INTS9: variants seen among roughly 807,000 people sequenced by gnomAD.
INTS9 encodes protein related to CPSF subunits of 74 kDa.
In INTS9, 55 loss-of-function variants were observed where a neutral mutation model predicts 79.7. The observed-to-expected ratio is 0.69, with a 90% CI of 0.56 to 0.86. INTS9 has a LOEUF of 0.86. Ranked by LOEUF, INTS9 falls within the 40% of genes least tolerant of loss-of-function variation. The probability of loss-of-function intolerance (pLI) is 0.00; values close to 1 mark genes in which losing one functional copy is unlikely to be tolerated. For synonymous variants in INTS9, 319 were observed against 325.2 expected, an observed-to-expected ratio of 0.98 and a Z score of 0.20; for missense variants, 721 against 831.5, an observed-to-expected ratio of 0.87 and a Z score of 1.64.
Position 28,771,169 on chromosome 8 carries a change from A to AAAAG in INTS9, c.1564-93_1564-90dup, listed in dbSNP as rs1289142362. 3.1e-6 allele frequency: 3 copies of AAAAG among 979,322 alleles called. No individual in the cohort carries two copies. In the African/African-American group the frequency reaches 4.8e-5, roughly 16 times the overall value. 60.7% of individuals were successfully genotyped at this position (979,322 alleles called of 1,614,324 possible). A position where few individuals can be genotyped will look rare whatever the true frequency, so the allele number is the denominator to read the frequency against. Reference sequence around the variant, plus strand: ...TCTGTATTTACATCACTGCAGTCTAAAAAGATGAAATAACTTTAAAGGTAA... The same window carrying AAAAG: ...TCTGTATTTACATCACTGCAGTCTAAAAAGAAAGATGAAATAACTTTAAAGGTAA... On this transcript the variant is annotated intron_variant, in intron 14 of 16. Transcript: ENST00000521022.
rs561420411 is a variant in INTS9 at position 28,828,276 on chromosome 8, C to A, written c.488+7016G>T. On this transcript the variant is annotated intron_variant, in intron 6 of 16. Transcript: ENST00000521022. ...GTCCACTTAGCTACCTTGCTTTCGT[C>A]AGAAAGGCAGTGTCTGAAAGTAAAT... 2.6e-5 allele frequency among the ~76,000 whole-genome samples: 4 copies of A among 152,196 alleles called. No individual in the cohort carries two copies. In the East Asian group the frequency reaches 7.7e-4, roughly 29 times the overall value.
chr8:28,776,712 T>G (rs1024373636), intron 13 of INTS9, among the ~76,000 whole-genome samples: 1 of 152,084 alleles, frequency 6.6e-6, no homozygotes, highest in Non-Finnish European at 1.5e-5. Flanking sequence ...CCTTTGCTCC[T>G]CCTCTTGACC....
At chr8:28,799,407 G>A (rs1804402075) in intron 8 of INTS9, 1 of 152,248 alleles carries the variant, frequency 6.6e-6, no homozygotes, top group Admixed American at 6.5e-5. Context: ...CAAACAAACA[G>A]AGGCAGTGCT....
At chr8:28,806,134 G>C (rs1446078175) in intron 8 of INTS9, among the ~76,000 whole-genome samples, 1 of 152,222 alleles carries the variant, frequency 6.6e-6, no homozygotes, top group Admixed American at 6.5e-5. Flanking sequence ...GGAGGCTGAG[G>C]TGGGAGGACT....
intron 7 of INTS9, among the ~76,000 whole-genome samples, chr8:28,813,070 T>C (rs1805244891): frequency 6.6e-6 from 1 of 152,216 alleles, no homozygotes; most frequent in Non-Finnish European, 1.5e-5. Flanking sequence ...GCTTTCCTTT[T>C]TCATTTTCAG....
chr8:28,768,571 C>T (rs1330839100), intron 16 of INTS9, among the ~76,000 whole-genome samples: 2 of 152,212 alleles, frequency 1.3e-5, no homozygotes, highest in Non-Finnish European at 2.9e-5. Context: ...TCTTTGAGGG[C>T]ACGTCCAAGC....
chr8:28,795,572 G>A (rs1426660681), intron 9 of INTS9, among the ~76,000 whole-genome samples: 2 of 150,228 alleles, frequency 1.3e-5, no homozygotes, highest in Non-Finnish European at 3.0e-5. Context: ...CCTGGGAGGC[G>A]GAGGTTGCAG....
intron 1 of INTS9, among the ~76,000 whole-genome samples, chr8:28,870,189 G>C (rs2131334144): frequency 6.6e-6 from 1 of 152,016 alleles, no homozygotes; most frequent in South Asian, 2.1e-4. Flanking sequence ...ATGTATAAAA[G>C]ACTGTAAGCA....
chr8:28,885,147 T>C lies in INTS9; in HGVS notation c.9+4727A>G, dbSNP rs562587804. ...CCAGGAGAAATGGCAAGTTAAAAGT[T>C]TGAGCCAGTAGAAATGAAACAGCAT... On this transcript the variant is annotated intron_variant, in intron 1 of 16. Transcript: ENST00000521022. Among the ~76,000 whole-genome samples, 5 of 152,344 alleles carry C rather than the reference T, an allele frequency of 3.3e-5. No homozygotes were observed. In the East Asian group the frequency reaches 5.8e-4, roughly 18 times the overall value.
intron 10 of INTS9, among the ~76,000 whole-genome samples, chr8:28,791,274 A>G (rs1022767446): frequency 6.6e-6 from 1 of 152,136 alleles, no homozygotes; most frequent in Non-Finnish European, 1.5e-5. Flanking sequence ...AATCATGTTC[A>G]TTTCCTGCTT....
chr8:28,889,444 G>C (rs990282299), intron 1 of INTS9, among the ~76,000 whole-genome samples: 7 of 152,216 alleles, frequency 4.6e-5, no homozygotes, highest in African/African-American at 1.7e-4. Flanking sequence ...CGTTCTGCTG[G>C]ATGTTTTTTA....
intron 1 of INTS9, among the ~76,000 whole-genome samples, chr8:28,882,711 G>C (rs1051509041): frequency 6.6e-6 from 1 of 152,000 alleles, no homozygotes; most frequent in East Asian, 1.9e-4. Flanking sequence ...GCCAAAAAAG[G>C]TGTTAGTTTT....
chr8:28,840,847 C>T (rs756623327), intron 4 of INTS9, among the ~76,000 whole-genome samples: 12 of 149,216 alleles, frequency 8.0e-5, no homozygotes, highest in Non-Finnish European at 1.8e-4. Context: ...TGCTAAATGA[C>T]GAGTTAATGG....
At position 28,828,491 on chromosome 8, in the gene INTS9, A is replaced by G. The variant is rs1406655156; in HGVS notation, c.488+6801T>C. Among the ~76,000 whole-genome samples, 7 of 152,190 alleles carry G rather than the reference A, an allele frequency of 4.6e-5. 1 individual carries two copies. The highest frequency in any genetic ancestry group is 1.5e-5 in the Non-Finnish European group (1 of 68,040). On this transcript the variant is annotated intron_variant, in intron 6 of 16. Transcript: ENST00000521022. ...CTATTAAGTTGTTAATATCACTTCT[A>G]TTTTATGAAGGAGGAAACAGAGCCT...
At position 28,793,800 on chromosome 8, in the gene INTS9, G is replaced by A; in HGVS notation, c.1037+7C>T. 1 of 1,567,426 alleles carries A rather than the reference G, an allele frequency of 6.4e-7. No individual in the cohort carries two copies. Among genetic ancestry groups the A allele is most frequent in the Non-Finnish European group, 8.6e-7 (1 of 1,157,974 alleles). ...TTCACAAAAAAAAAAAAAAACCACG[G>A]ACATACCACTCAGCAAAGATCTGGG... On this transcript the variant is annotated splice_region_variant and intron_variant, in intron 10 of 16. Transcript: ENST00000521022.
chr8:28,781,259 A>T (rs1803246140), intron 11 of INTS9, among the ~76,000 whole-genome samples: 1 of 152,198 alleles, frequency 6.6e-6, no homozygotes, highest in African/African-American at 2.4e-5. Context: ...CAGAGAAGAG[A>T]GATGGCAAAT....
At chr8:28,868,389 T>A (rs1398244713) in intron 1 of INTS9, among the ~76,000 whole-genome samples, 2 of 152,256 alleles carry the variant, frequency 1.3e-5, no homozygotes, top group Admixed American at 6.5e-5. Context: ...ACTTCTAGGC[T>A]GAATTGATGC....
intron 1 of INTS9, among the ~76,000 whole-genome samples, chr8:28,880,440 T>G (rs2131372822): frequency 6.6e-6 from 1 of 152,256 alleles, no homozygotes; most frequent in Middle Eastern, 3.4e-3. Context: ...CGTTTTTTTT[T>G]GGTGGAGACG....
At chr8:28,867,113 C>T (rs552299581) in intron 1 of INTS9, among the ~76,000 whole-genome samples, 1 of 151,880 alleles carries the variant, frequency 6.6e-6, no homozygotes, top group African/African-American at 2.4e-5. Flanking sequence ...ATGGTGAAAC[C>T]CCACCTCTAC....
Sources: gnomAD v4.1 joint callset for allele counts (sites outside exome capture counted in the v4.1 genomes callset) on GRCh38, gnomAD v4.1.1 for gene constraint, MANE v1.5 for transcripts, NCBI Gene and HGNC (gene_info 2026-07-23, HGNC 2026-07-21) for gene names.